IPCEF1: variants seen among roughly 807,000 people sequenced by gnomAD.
IPCEF1 encodes the protein interactor protein for cytohesin exchange factors 1.
In IPCEF1, 31 loss-of-function variants were observed where a neutral mutation model predicts 50.9. That is an observed-to-expected ratio of 0.61 (90% CI 0.46 to 0.82). The LOEUF (loss-of-function observed/expected upper bound fraction) is 0.82. IPCEF1 is among the 40% of genes least tolerant of loss of function. IPCEF1 has a pLI of 0.00. For missense variants in IPCEF1, 458 were observed against 514.0 expected (o/e 0.89, Z 1.05); for synonymous variants, 181 against 192.0 (o/e 0.94, Z 0.47).
intron 10 of IPCEF1, among the ~76,000 whole-genome samples, chr6:154,179,991 C>T (rs17278409): frequency 0.21 from 32,617 of 152,024 alleles, 3,776 homozygotes; most frequent in Middle Eastern, 0.34. Context: ...AGTAGCAAGG[C>T]CAGCCTGTTA....
intron 1 of IPCEF1, among the ~76,000 whole-genome samples, chr6:154,301,820 T>C (rs1782803802): frequency 6.6e-6 from 1 of 152,102 alleles, no homozygotes; most frequent in Non-Finnish European, 1.5e-5. Flanking sequence ...GTAGTACTAA[T>C]AAGTAAAAAT....
chr6:154,240,246 C>G (rs1335774246), intron 5 of IPCEF1, among the ~76,000 whole-genome samples: 1 of 152,206 alleles, frequency 6.6e-6, no homozygotes, highest in Admixed American at 6.5e-5. Flanking sequence ...GGTACATGCT[C>G]TGTACCTGCC....
chr6:154,211,576 C>T (rs1371054638), intron 9 of IPCEF1, among the ~76,000 whole-genome samples: 1 of 152,036 alleles, frequency 6.6e-6, no homozygotes, highest in Admixed American at 6.5e-5. Context: ...TCCTCATGAC[C>T]TAGAATAGGA....
chr6:154,257,565 C>T (rs62433244), intron 3 of IPCEF1, among the ~76,000 whole-genome samples: 19,835 of 152,216 alleles, frequency 0.13, 1,463 homozygotes, highest in Non-Finnish European at 0.17. Flanking sequence ...CACCCTTGAA[C>T]GGAAATCAGT....
At chr6:154,275,415 C>G (rs1369547661) in intron 2 of IPCEF1, among the ~76,000 whole-genome samples, 2 of 152,192 alleles carry the variant, frequency 1.3e-5, no homozygotes, top group African/African-American at 4.8e-5. Flanking sequence ...TTCCAGGTCC[C>G]TACTAGGGTA....
Position 154,290,893 on chromosome 6 carries a change from C to CTTTT in IPCEF1, c.-61-1141_-61-1138dup, listed in dbSNP as rs3045866. On this transcript the variant is annotated intron_variant, in intron 1 of 11. Transcript: ENST00000367220. ...AATTTTTCCAGTAGGAATATATTGC[C>CTTTT]TTTTTTTTTTTTTTGAGACAGAGTC... Among the ~76,000 whole-genome samples the CTTTT allele has an allele frequency of 1.4e-3, 181 of 127,286 alleles. 10 individuals are homozygous for CTTTT. The highest frequency in any genetic ancestry group is 0.012 in the South Asian group (53 of 4,244). The allele number at this position is 127,286 out of a possible 152,430, so 83.5% of individuals were successfully genotyped here. A position where few individuals can be genotyped will look rare whatever the true frequency, so the allele number is the denominator to read the frequency against.
At chr6:154,241,163 G>C (rs572963230) in intron 5 of IPCEF1, among the ~76,000 whole-genome samples, 14 of 151,256 alleles carry the variant, frequency 9.3e-5, no homozygotes, top group African/African-American at 3.2e-4. Context: ...TTGAACCCGG[G>C]AGGCGGAGGT....
intron 2 of IPCEF1, among the ~76,000 whole-genome samples, chr6:154,276,941 G>A (rs1486352254): frequency 6.6e-6 from 1 of 152,190 alleles, no homozygotes; most frequent in Non-Finnish European, 1.5e-5. Flanking sequence ...TCGGTGACTA[G>A]CAGTGATAAC....
intron 9 of IPCEF1, among the ~76,000 whole-genome samples, chr6:154,203,838 C>T (rs928070778): frequency 3.3e-5 from 5 of 152,246 alleles, no homozygotes; most frequent in South Asian, 2.1e-4. Flanking sequence ...TGAAGAAAAG[C>T]GCCCCAGAGT....
At chr6:154,258,009 T>C (rs1007195197) in intron 3 of IPCEF1, among the ~76,000 whole-genome samples, 1 of 152,178 alleles carries the variant, frequency 6.6e-6, no homozygotes, top group African/African-American at 2.4e-5. Flanking sequence ...AGATAACTTT[T>C]TTCTATTCTG....
At chr6:154,247,688 T>C in intron 3 of IPCEF1, 200 bp from the exon 4 acceptor site, 1 of 450,702 alleles carries the variant, frequency 2.2e-6, no homozygotes. Context: ...GAGCTGAACC[T>C]GAAAAAAAAA....
rs1340879124 is a variant in IPCEF1 at position 154,247,201 on chromosome 6, A to G, written c.76+248T>C. On this transcript the variant is annotated intron_variant, in intron 4 of 11. Transcript: ENST00000367220. ...AGGGTTAATGCCCACCTCAATACAC[A>G]GCTACTTCCCGACTCACTGCCAGTT... 9.8e-6 allele frequency: 5 copies of G among 512,756 alleles called. No individual in the cohort carries two copies. In the East Asian group the frequency reaches 1.5e-4, roughly 15 times the overall value. The allele number at this position is 512,756 out of a possible 1,614,324, so 31.8% of individuals were successfully genotyped here. A position where few individuals can be genotyped will look rare whatever the true frequency, so the allele number is the denominator to read the frequency against.
chr6:154,352,750 G>T (rs1197741978), intron 1 of IPCEF1, among the ~76,000 whole-genome samples: 2 of 152,196 alleles, frequency 1.3e-5, no homozygotes, highest in Non-Finnish European at 2.9e-5. Flanking sequence ...AGACGGCAGG[G>T]CCAAGATTCT....
chr6:154,331,228 G>T (rs1044799953), intron 1 of IPCEF1, among the ~76,000 whole-genome samples: 6 of 151,678 alleles, frequency 4.0e-5, no homozygotes, highest in Non-Finnish European at 7.4e-5. Flanking sequence ...GGGTCACACT[G>T]CTGCACTCCA....
chr6:154,313,575 T>C (rs539228940), intron 1 of IPCEF1, among the ~76,000 whole-genome samples: 1 of 152,312 alleles, frequency 6.6e-6, no homozygotes, highest in Admixed American at 6.5e-5. Context: ...ATGTTTTGGT[T>C]AAGCCTAATC....
chr6:154,208,010 T>A (rs1041469835), intron 9 of IPCEF1, among the ~76,000 whole-genome samples: 2 of 152,220 alleles, frequency 1.3e-5, no homozygotes, highest in Non-Finnish European at 2.9e-5. Flanking sequence ...AATAGCTTAC[T>A]GTATACCCTC....
intron 11 of IPCEF1, among the ~76,000 whole-genome samples, chr6:154,165,619 A>G (rs773057334): frequency 5.3e-5 from 8 of 152,246 alleles, no homozygotes; most frequent in Non-Finnish European, 1.0e-4. Context: ...GCAGTTCCCT[A>G]GCTGGGTGGG....
chr6:154,344,231 A>C (rs1173505062), intron 1 of IPCEF1, among the ~76,000 whole-genome samples: 5 of 152,058 alleles, frequency 3.3e-5, no homozygotes, highest in Admixed American at 3.3e-4. Flanking sequence ...TCTGCTCCTT[A>C]AAACCACTCC....
intron 11 of IPCEF1, among the ~76,000 whole-genome samples, chr6:154,161,463 T>G (rs1178516614): frequency 6.6e-6 from 1 of 152,110 alleles, no homozygotes; most frequent in Non-Finnish European, 1.5e-5. Context: ...TACACCCACC[T>G]CAGCCTCCCA....
Sources: allele counts gnomAD v4.1 joint callset (sites outside exome capture counted in the v4.1 genomes callset), GRCh38; gene constraint gnomAD v4.1.1; transcripts MANE v1.5; gene names NCBI Gene and HGNC (gene_info 2026-07-23, HGNC 2026-07-21).